The following MARCHF1 variants were observed in gnomAD, a reference collection of about 807,000 sequenced individuals.
MARCHF1 encodes membrane associated ring-CH-type finger 1.
A neutral mutation model predicts 54.2 loss-of-function variants in MARCHF1; 40 were observed. That is an observed-to-expected ratio of 0.74 (90% confidence interval 0.57 to 0.96). The LOEUF (loss-of-function observed/expected upper bound fraction) is 0.96, where lower values mean the gene tolerates loss of function less well. Ranked by LOEUF, MARCHF1 falls within the 40% of genes least tolerant of loss-of-function variation. The pLI is 0.00. For synonymous variants in MARCHF1, 236 were observed against 236.3 expected (o/e 1.00, Z 0.01); for missense variants, 586 against 656.5 (o/e 0.89, Z 1.17).
At chr4:163,658,186 A>G (rs1743218500) in intron 5 of MARCHF1, among the ~76,000 whole-genome samples, 1 of 151,418 alleles carries the variant, frequency 6.6e-6, no homozygotes, top group South Asian at 2.1e-4. Context: ...GGAATCTACA[A>G]AGAACTTAAA....
intron 2 of MARCHF1, among the ~76,000 whole-genome samples, chr4:164,032,454 T>G (rs1306638692): frequency 6.6e-6 from 1 of 152,214 alleles, no homozygotes; most frequent in Non-Finnish European, 1.5e-5. Flanking sequence ...CTTTATAGCT[T>G]TCTGATGTGG....
At chr4:164,109,490 T>G (rs1755784117) in intron 2 of MARCHF1, among the ~76,000 whole-genome samples, 1 of 151,996 alleles carries the variant, frequency 6.6e-6, no homozygotes, top group Non-Finnish European at 1.5e-5. Context: ...AGAAGAATAA[T>G]TATCTCACTA....
chr4:163,722,765 C>T (rs923439955), intron 4 of MARCHF1, among the ~76,000 whole-genome samples: 3 of 152,166 alleles, frequency 2.0e-5, no homozygotes, highest in Non-Finnish European at 2.9e-5. Flanking sequence ...TTGAATTGAT[C>T]CCTTTACCAT....
At position 164,276,876 on chromosome 4, in the gene MARCHF1, CAT is replaced by C. The variant is rs201004757; in HGVS notation, c.-323+106992_-323+106993del. ...TGTCTATATGTTTATATATTACATACATATATATATATATGTAATGGTAATTA... is the reference window on the plus strand; with the variant it reads ...TGTCTATATGTTTATATATTACATACATATATATATATGTAATGGTAATTA... On this transcript the variant is annotated intron_variant, in intron 1 of 9. Coordinates refer to ENST00000514618, the MANE Select transcript of MARCHF1 (RefSeq NM_001394959.1). Among the ~76,000 whole-genome samples, 363 of 140,048 alleles carry C rather than the reference CAT, an allele frequency of 2.6e-3. 2 individuals are homozygous for C. The highest frequency in any genetic ancestry group is 8.5e-3 in the African/African-American group (322 of 37,882). 91.9% of individuals were successfully genotyped at this position (140,048 alleles called of 152,430 possible).
In MARCHF1 at chr4:163,567,819, A is replaced by AT. The variant is rs540553216; in HGVS notation, c.1191+17929dup. On this transcript the variant is annotated intron_variant, in intron 8 of 9. Coordinates refer to ENST00000514618, the MANE Select transcript of MARCHF1 (RefSeq NM_001394959.1). ...TAAACAGACTAATACACAAGACTTG[A>AT]TTTTTTTTTTATTTTTATTTTTTGA... 6.5e-3 allele frequency among the ~76,000 whole-genome samples: 981 copies of AT among 150,374 alleles called. 7 individuals are homozygous for AT. The highest frequency in any genetic ancestry group is 0.043 in the South Asian group (205 of 4,736).
At chr4:163,743,889 A>G (rs994332102) in intron 4 of MARCHF1, among the ~76,000 whole-genome samples, 2 of 152,222 alleles carry the variant, frequency 1.3e-5, no homozygotes, top group Non-Finnish European at 2.9e-5. Flanking sequence ...ATTGGCACTG[A>G]AATAGACATT....
intron 7 of MARCHF1, among the ~76,000 whole-genome samples, chr4:163,597,660 A>G (rs1740820592): frequency 6.6e-6 from 1 of 152,164 alleles, no homozygotes; most frequent in East Asian, 1.9e-4. Context: ...CAAAGATTAT[A>G]TTTTTCTAAT....
Position 164,294,354 on chromosome 4 carries a change from G to C in MARCHF1, c.-323+89516C>G, listed in dbSNP as rs553370075. ...TTATCTTATACCTCTAGAGAACCCT[G>C]AATAATACACAAATCAATTGTAGCT... On this transcript the variant is annotated intron_variant, in intron 1 of 9. Coordinates refer to ENST00000514618, the MANE Select transcript of MARCHF1 (RefSeq NM_001394959.1). Among the ~76,000 whole-genome samples, 14 of 152,184 alleles carry C rather than the reference G, an allele frequency of 9.2e-5. 1 individual carries two copies. In the East Asian group the frequency reaches 1.5e-3, roughly 17 times the overall value.
intron 5 of MARCHF1, among the ~76,000 whole-genome samples, chr4:163,697,602 G>A (rs1744676382): frequency 6.6e-6 from 1 of 152,120 alleles, no homozygotes; most frequent in Non-Finnish European, 1.5e-5. Flanking sequence ...AGGCAGGAAA[G>A]CAGACTTAGA....
chr4:164,159,729 T>C (rs1199746852), intron 1 of MARCHF1, among the ~76,000 whole-genome samples: 1 of 152,174 alleles, frequency 6.6e-6, no homozygotes. Context: ...GAAGCATTTC[T>C]GGGGAAAGTT....
Position 163,717,257 on chromosome 4 carries a change from T to A in MARCHF1, c.112-16394A>T, listed in dbSNP as rs1484888189. On this transcript the variant is annotated intron_variant, in intron 4 of 9. Coordinates refer to ENST00000514618, the MANE Select transcript of MARCHF1 (RefSeq NM_001394959.1). ...TGAGAACATGCGGTGTTTGGTTTTTTGTCCTTGCGATAGTTTGCTGAGAAT... is the reference window on the plus strand; with the variant it reads ...TGAGAACATGCGGTGTTTGGTTTTTAGTCCTTGCGATAGTTTGCTGAGAAT... Among the ~76,000 whole-genome samples, 7 of 150,974 alleles carry A rather than the reference T, an allele frequency of 4.6e-5. 1 individual carries two copies. Among genetic ancestry groups the A allele is most frequent in the Non-Finnish European group, 7.4e-5 (5 of 67,820 alleles).
At chr4:163,956,209 A>C (rs751092083) in intron 3 of MARCHF1, among the ~76,000 whole-genome samples, 5 of 152,174 alleles carry the variant, frequency 3.3e-5, no homozygotes, top group Non-Finnish European at 5.9e-5. Flanking sequence ...TCCATAATAG[A>C]AAGTTAAAAG....
At chr4:164,154,342 T>A (rs1730020150) in intron 1 of MARCHF1, among the ~76,000 whole-genome samples, 1 of 152,240 alleles carries the variant, frequency 6.6e-6, no homozygotes, top group Non-Finnish European at 1.5e-5. Context: ...TTAGCCTCTA[T>A]CCACACGTTA....
intron 8 of MARCHF1, among the ~76,000 whole-genome samples, chr4:163,576,007 A>G (rs1414378065): frequency 6.6e-6 from 1 of 151,304 alleles, no homozygotes; most frequent in Non-Finnish European, 1.5e-5. Context: ...TGTTGCATTG[A>G]TTTTTTGTAT....
At chr4:164,305,297 A>G (rs1207697989) in intron 1 of MARCHF1, among the ~76,000 whole-genome samples, 1 of 152,202 alleles carries the variant, frequency 6.6e-6, no homozygotes, top group African/African-American at 2.4e-5. Context: ...ATAAAAGTGC[A>G]GAATATTTTG....
chr4:164,116,625 T>C (rs1755944498), intron 1 of MARCHF1, among the ~76,000 whole-genome samples: 1 of 152,070 alleles, frequency 6.6e-6, no homozygotes, highest in Non-Finnish European at 1.5e-5. Context: ...AATCAAATTT[T>C]AAATTCTCAG....
chr4:164,142,646 G>C (rs1465695670), intron 1 of MARCHF1, among the ~76,000 whole-genome samples: 1 of 152,074 alleles, frequency 6.6e-6, no homozygotes, highest in East Asian at 1.9e-4. Flanking sequence ...AAACAGAAAG[G>C]ACATCCACAC....
intron 5 of MARCHF1, among the ~76,000 whole-genome samples, chr4:163,652,035 T>C (rs950767963): frequency 2.6e-5 from 4 of 151,776 alleles, no homozygotes; most frequent in African/African-American, 9.7e-5. Context: ...TTTCTTACTA[T>C]GGGGCTTTTG....
chr4:164,153,548 T>A (rs774953555), intron 1 of MARCHF1, among the ~76,000 whole-genome samples: 7 of 152,002 alleles, frequency 4.6e-5, no homozygotes, highest in African/African-American at 1.7e-4. Context: ...TCCACCCACA[T>A]GGGAAAAGCA....
Sources: gnomAD v4.1 joint callset for allele counts (sites outside exome capture counted in the v4.1 genomes callset) on GRCh38, gnomAD v4.1.1 for gene constraint, MANE v1.5 for transcripts, NCBI Gene and HGNC (gene_info 2026-07-23, HGNC 2026-07-21) for gene names.